The following EIPR1 variants were observed in gnomAD, a reference collection of about 807,000 sequenced individuals.
The protein encoded by EIPR1 is EARP and GARP complex-interacting protein 1.
In EIPR1, 25 loss-of-function variants were observed where a neutral mutation model predicts 48.1. That is an observed-to-expected ratio of 0.52 (90% confidence interval 0.38 to 0.73). EIPR1 has a LOEUF of 0.73. Ranked by LOEUF, EIPR1 falls within the 30% of genes least tolerant of loss-of-function variation. The probability of loss-of-function intolerance (pLI) is 0.00; values close to 1 mark genes in which losing one functional copy is unlikely to be tolerated. For missense variants in EIPR1, 415 were observed against 506.2 expected (o/e 0.82, Z 1.73); for synonymous variants, 204 against 201.9 (o/e 1.01, Z -0.09).
At chr2:3,202,083 G>T (rs906475569) in intron 5 of EIPR1, among the ~76,000 whole-genome samples, 1 of 152,012 alleles carries the variant, frequency 6.6e-6, no homozygotes, top group East Asian at 1.9e-4. Flanking sequence ...GACTACAGGC[G>T]CCCGCCACCA....
At chr2:3,201,647 G>T (rs865932957) in intron 5 of EIPR1, among the ~76,000 whole-genome samples, 1 of 152,168 alleles carries the variant, frequency 6.6e-6, no homozygotes, top group African/African-American at 2.4e-5. Context: ...CCCTTGCAAA[G>T]CTACCGAGGA....
chr2:3,199,060 G>GCCCCC lies in EIPR1; in HGVS notation c.517-2044_517-2043insGGGGG, dbSNP rs1214394853. On this transcript the variant is annotated intron_variant, in intron 5 of 8. Coordinates refer to ENST00000382125, the MANE Select transcript of EIPR1 (RefSeq NM_003310.5). ...CACCCCCAGAGTGGCCATTTTAGAG[G>GCCCCC]GCCCCCCCCCCGCCCCGGGAATGCA... 3.0e-4 allele frequency among the ~76,000 whole-genome samples: 7 copies of GCCCCC among 23,344 alleles called. 1 individual carries two copies. The highest frequency in any genetic ancestry group is 6.0e-4 in the Non-Finnish European group (6 of 10,080). The allele number at this position is 23,344 out of a possible 152,430, so 15.3% of individuals were successfully genotyped here. A position where few individuals can be genotyped will look rare whatever the true frequency, so the allele number is the denominator to read the frequency against.
chr2:3,260,780 TTAA>T (rs1263844596), intron 3 of EIPR1, among the ~76,000 whole-genome samples: 2 of 152,112 alleles, frequency 1.3e-5, no homozygotes, highest in African/African-American at 4.8e-5. Flanking sequence ...CTCAACATTA[TTAA>T]TAATTGGAAG....
chr2:3,298,824 C>G (rs1448631240), intron 3 of EIPR1, among the ~76,000 whole-genome samples: 1 of 152,174 alleles, frequency 6.6e-6, no homozygotes, highest in Non-Finnish European at 1.5e-5. Context: ...AGAAGGCATT[C>G]CAGTGTCGGC....
At chr2:3,200,380 G>C (rs1248429953) in intron 5 of EIPR1, among the ~76,000 whole-genome samples, 1 of 152,196 alleles carries the variant, frequency 6.6e-6, no homozygotes. Context: ...CGGGGCTTTT[G>C]TTTTACGATA....
In EIPR1 at chr2:3,336,906, GAAGGGAAGGGAA is replaced by G. The variant is rs1558307000; in HGVS notation, c.259+1099_259+1110del. ...GGAAAAGGGAAGGGAAGGGAAAAGG[GAAGGGAAGGGAA>G]AAGGGAAGGGAAGGGAAAAGGGAAG... On this transcript the variant is annotated intron_variant, in intron 3 of 8. Transcript: ENST00000382125. Among the ~76,000 whole-genome samples, 21 of 74,810 alleles carry G rather than the reference GAAGGGAAGGGAA, an allele frequency of 2.8e-4. 2 individuals are homozygous for G. Among genetic ancestry groups the G allele is most frequent in the African/African-American group, 1.0e-3 (20 of 19,856 alleles). The allele number at this position is 74,810 out of a possible 152,430, so 49.1% of individuals were successfully genotyped here. A position where few individuals can be genotyped will look rare whatever the true frequency, so the allele number is the denominator to read the frequency against.
chr2:3,345,525 C>T (rs980821329), intron 2 of EIPR1, among the ~76,000 whole-genome samples: 4 of 151,302 alleles, frequency 2.6e-5, no homozygotes, highest in Non-Finnish European at 4.4e-5. Flanking sequence ...TTCAGGAGGC[C>T]GAGGCAGGAG....
chr2:3,316,272 A>T (rs1443074364), intron 3 of EIPR1, among the ~76,000 whole-genome samples: 1 of 122,714 alleles, frequency 8.1e-6, no homozygotes, highest in South Asian at 2.7e-4. Context: ...CACCCCCTCC[A>T]CCACACCCAG....
intron 5 of EIPR1, among the ~76,000 whole-genome samples, chr2:3,204,879 C>G (rs1277600607): frequency 6.6e-6 from 1 of 152,064 alleles, no homozygotes; most frequent in African/African-American, 2.4e-5. Flanking sequence ...GACCCTACTA[C>G]GTGTAGGCCG....
At chr2:3,194,247 T>C in intron 6 of EIPR1, 81 bp from the exon 7 acceptor site, 1 of 1,544,254 alleles carries the variant, frequency 6.5e-7, no homozygotes. Context: ...ACACACTGGT[T>C]TCCCGGGACC....
In EIPR1 at chr2:3,268,031, G is replaced by A. The variant is rs1572377125; in HGVS notation, c.260-10576C>T. Among the ~76,000 whole-genome samples the A allele has an allele frequency of 2.0e-5, 3 of 152,230 alleles. No individual in the cohort carries two copies. The South Asian group carries it at 6.2e-4, about 31-fold the overall frequency. On this transcript the variant is annotated intron_variant, in intron 3 of 8. Transcript: ENST00000382125. The stretch of plus-strand genomic sequence containing the variant: ...AAAGCCCTGGAAGGAGACTGCAAGA[G>A]GCAGGGGCTTCCACGCCATGGTCCT...
At chr2:3,208,864 C>T (rs1572295287) in intron 5 of EIPR1, 4 of 1,550,060 alleles carry the variant, frequency 2.6e-6, no homozygotes, top group Non-Finnish European at 3.5e-6. Context: ...TTCCCCGACT[C>T]CAGTGTTCCT....
rs1028341390 is a variant in EIPR1, at chr2:3,377,740, T to A, written c.-51A>T. On this transcript the variant is annotated 5_prime_UTR_variant, in exon 1 of 9. The change abolishes the stop of an existing upstream ORF in the 5' untranslated region. Transcript: ENST00000382125. ...GCCACTCACACGCTAAGGACCTCGC[T>A]ACGGCCGGCGCGTCCCCACCTCGCG... 18 of 1,549,682 alleles carry A rather than the reference T, an allele frequency of 1.2e-5. No homozygotes were observed. The highest frequency in any genetic ancestry group is 1.6e-5 in the Non-Finnish European group (18 of 1,145,706).
chr2:3,226,435 A>G lies in EIPR1; in HGVS notation c.417-12187T>C, dbSNP rs531129867. Among the ~76,000 whole-genome samples the G allele has an allele frequency of 2.6e-5, 4 of 152,276 alleles. No individual in the cohort carries two copies. In the South Asian group the frequency reaches 8.3e-4, roughly 32 times the overall value. ...GTATGTCTTCTTTAGAAAAATGTCTATTCAAGTGCTTTGCTCATTTCTAAA... is the reference window on the plus strand; with the variant it reads ...GTATGTCTTCTTTAGAAAAATGTCTGTTCAAGTGCTTTGCTCATTTCTAAA... On this transcript the variant is annotated intron_variant, in intron 4 of 8. Transcript: ENST00000382125.
At chr2:3,348,491 C>G (rs577817370) in intron 2 of EIPR1, among the ~76,000 whole-genome samples, 2 of 152,154 alleles carry the variant, frequency 1.3e-5, no homozygotes, top group African/African-American at 2.4e-5. Context: ...TCACACCCCC[C>G]AGGAAGAACT....
intron 3 of EIPR1, among the ~76,000 whole-genome samples, chr2:3,292,741 C>T (rs1668407630): frequency 6.6e-6 from 1 of 151,884 alleles, no homozygotes; most frequent in Admixed American, 6.6e-5. Context: ...ATTACGGCAA[C>T]TTCTGCCAAG....
chr2:3,194,834 G>C (rs1055941130), intron 6 of EIPR1, among the ~76,000 whole-genome samples: 2 of 152,124 alleles, frequency 1.3e-5, no homozygotes, highest in Admixed American at 1.3e-4. Context: ...TGCCAGCTGG[G>C]CTTGCCATTC....
At chr2:3,326,098 A>G (rs1196622496) in intron 3 of EIPR1, among the ~76,000 whole-genome samples, 1 of 152,224 alleles carries the variant, frequency 6.6e-6, no homozygotes, top group East Asian at 1.9e-4. Flanking sequence ...GGTAAGGGGT[A>G]AGGTGCCCTG....
chr2:3,261,118 T>C (rs758487478), intron 3 of EIPR1, among the ~76,000 whole-genome samples: 2 of 152,102 alleles, frequency 1.3e-5, no homozygotes, highest in Admixed American at 6.5e-5. Flanking sequence ...TGACGGTATG[T>C]AACTGCCAGA....
Sources: gnomAD v4.1 joint callset for allele counts (sites outside exome capture counted in the v4.1 genomes callset) on GRCh38, gnomAD v4.1.1 for gene constraint, MANE v1.5 for transcripts, NCBI Gene and HGNC (gene_info 2026-07-23, HGNC 2026-07-21) for gene names.